Variants in CRB1 observed in about 807,000 individuals in gnomAD.
CRB1 encodes crumbs cell polarity complex component 1, also known as protein crumbs homolog 1.
A neutral mutation model predicts 120.0 loss-of-function variants in CRB1; 83 were observed. The ratio of observed to expected loss-of-function variants is 0.69; its 90% confidence interval spans 0.58 to 0.83. The LOEUF is 0.83. CRB1 is among the 40% of genes least tolerant of loss of function. The pLI, the probability that CRB1 is intolerant of heterozygous loss-of-function variation, is 0.00. For synonymous variants in CRB1, 625 were observed against 612.5 expected, an observed-to-expected ratio of 1.02 and a Z score of -0.30; for missense variants, 1,699 against 1,687.6, an observed-to-expected ratio of 1.01 and a Z score of -0.12.
chr1:197,351,357 G>A (rs114634792), intron 4 of CRB1, among the ~76,000 whole-genome samples: 2,509 of 75,090 alleles, frequency 0.033, 75 homozygotes, highest in African/African-American at 0.12. Flanking sequence ...GAGAGGGTGA[G>A]ACTTGGCAAA....
chr1:197,299,460 A>G (rs1051979863), intron 1 of CRB1, among the ~76,000 whole-genome samples: 3 of 152,172 alleles, frequency 2.0e-5, no homozygotes, highest in Non-Finnish European at 2.9e-5. Flanking sequence ...TATAAATTTG[A>G]CCATAAATTT....
intron 8 of CRB1, among the ~76,000 whole-genome samples, chr1:197,430,355 T>C (rs185956968): frequency 2.6e-5 from 4 of 152,334 alleles, no homozygotes; most frequent in Admixed American, 6.5e-5. Context: ...TATTCAAAGA[T>C]TGTGCTCCTA....
At chr1:197,331,963 AGGAGAT>A (rs1658882093) in intron 2 of CRB1, among the ~76,000 whole-genome samples, 1 of 152,120 alleles carries the variant, frequency 6.6e-6, no homozygotes, top group Non-Finnish European at 1.5e-5. Context: ...TCACGAGGTC[AGGAGAT>A]GGATACCACA....
chr1:197,453,871 TTAA>T (rs1044831762), intron 11 of CRB1, among the ~76,000 whole-genome samples: 86 of 142,244 alleles, frequency 6.0e-4, no homozygotes, highest in African/African-American at 2.1e-3. Flanking sequence ...ATTAATATTA[TTAA>T]TAATATATAT....
At chr1:197,343,256 T>C (rs1189920737) in intron 2 of CRB1, among the ~76,000 whole-genome samples, 1 of 152,174 alleles carries the variant, frequency 6.6e-6, no homozygotes. Flanking sequence ...TAATATATAA[T>C]TTATTATTTG....
chr1:197,357,837 C>T (rs963466291), intron 5 of CRB1: 1 of 152,080 alleles, frequency 6.6e-6, no homozygotes, highest in African/African-American at 2.4e-5. Flanking sequence ...ATTTAATGGT[C>T]TTTGATTTGT....
intron 2 of CRB1, among the ~76,000 whole-genome samples, chr1:197,330,409 T>G (rs1272602001): frequency 6.6e-6 from 1 of 152,196 alleles, no homozygotes; most frequent in Non-Finnish European, 1.5e-5. Flanking sequence ...CCTTGAGAGC[T>G]TCCCACTACA....
chr1:197,429,422 T>G, intron 7 of CRB1, 27 bp from the exon 8 acceptor site: 1 of 1,613,800 alleles, frequency 6.2e-7, no homozygotes, highest in Non-Finnish European at 8.5e-7. Context: ...CAGTGCTTTT[T>G]ATACCTTTGA....
chr1:197,309,328 A>C (rs1657370593), intron 1 of CRB1, among the ~76,000 whole-genome samples: 1 of 152,152 alleles, frequency 6.6e-6, no homozygotes, highest in African/African-American at 2.4e-5. Context: ...ACACACACAC[A>C]TACACACAGT....
At chr1:197,228,722 C>T in the CRB1 span, among the ~76,000 whole-genome samples, 3 of 152,266 alleles carry the variant, frequency 2.0e-5, no homozygotes, top group African/African-American at 7.2e-5. Flanking sequence ...ACGCCCTGCT[C>T]TACTGGTACC....
chr1:197,423,677 A>G (rs934537519), intron 6 of CRB1, among the ~76,000 whole-genome samples: 5 of 152,168 alleles, frequency 3.3e-5, no homozygotes, highest in African/African-American at 4.8e-5. Flanking sequence ...GGGAGGAGAC[A>G]TACTAAAAAG....
At chr1:197,352,588 G>A (rs1453231755) in intron 4 of CRB1, among the ~76,000 whole-genome samples, 2 of 151,930 alleles carry the variant, frequency 1.3e-5, no homozygotes, top group Non-Finnish European at 2.9e-5. Context: ...ATATTCAAAA[G>A]GTAGACATTC....
At chr1:197,296,294 C>G (rs1452328609) in intron 1 of CRB1, among the ~76,000 whole-genome samples, 1 of 152,062 alleles carries the variant, frequency 6.6e-6, no homozygotes, top group East Asian at 1.9e-4. Flanking sequence ...TTGCAAGCCT[C>G]ACTTTCTTCA....
chr1:197,248,559 G>C, the CRB1 span, among the ~76,000 whole-genome samples: 1 of 151,884 alleles, frequency 6.6e-6, no homozygotes, highest in Non-Finnish European at 1.5e-5. Flanking sequence ...ATCTAATTGA[G>C]TTGAGAGTTG....
At chr1:197,236,781 C>T in the CRB1 span, among the ~76,000 whole-genome samples, 1 of 152,012 alleles carries the variant, frequency 6.6e-6, no homozygotes, top group African/African-American at 2.4e-5. Flanking sequence ...TATGATTTTT[C>T]TTCTATAAGC....
At chr1:197,294,331 G>A (rs1370739886) in intron 1 of CRB1, among the ~76,000 whole-genome samples, 1 of 152,090 alleles carries the variant, frequency 6.6e-6, no homozygotes, top group East Asian at 1.9e-4. Context: ...ATCATCACTG[G>A]CCATCAGAGA....
chr1:197,216,859 C>T, the CRB1 span, among the ~76,000 whole-genome samples: 1 of 152,072 alleles, frequency 6.6e-6, no homozygotes, highest in Non-Finnish European at 1.5e-5. Context: ...CAGAGAAAGA[C>T]CAACTGAGGA....
intron 5 of CRB1, among the ~76,000 whole-genome samples, chr1:197,403,636 T>C (rs1663180727): frequency 6.6e-6 from 1 of 152,168 alleles, no homozygotes; most frequent in African/African-American, 2.4e-5. Flanking sequence ...GTTTTTTTTT[T>C]CTTGGACTTT....
chr1:197,447,167 G>A (rs1304794474), intron 11 of CRB1, among the ~76,000 whole-genome samples: 1 of 152,182 alleles, frequency 6.6e-6, no homozygotes, highest in Non-Finnish European at 1.5e-5. Context: ...GTCAGCCAGA[G>A]ATGTGGTCTC....
Sources: allele counts gnomAD v4.1 joint callset (sites outside exome capture counted in the v4.1 genomes callset), GRCh38; gene constraint gnomAD v4.1.1; transcripts MANE v1.5; gene names NCBI Gene and HGNC (gene_info 2026-07-23, HGNC 2026-07-21).